Variants in TAFA5 observed in about 807,000 individuals in gnomAD.
TAFA5 encodes TAFA chemokine like family member 5, also known as chemokine-like protein TAFA-5.
TAFA5 carries 6 observed loss-of-function variants against 15.3 expected under a neutral mutation model. The observed-to-expected ratio is 0.39, with a 90% CI of 0.21 to 0.77. The LOEUF is 0.77. Among genes scored for constraint, TAFA5 ranks in the 30% least tolerant of loss-of-function variants. TAFA5 has a pLI of 0.41. For synonymous variants in TAFA5, 103 were observed against 80.7 expected (o/e 1.28, Z -1.48); for missense variants, 161 against 193.1 (o/e 0.83, Z 0.98).
chr22:48,640,594 C>A (rs112551011), intron 1 of TAFA5, among the ~76,000 whole-genome samples: 3 of 149,178 alleles, frequency 2.0e-5, no homozygotes, highest in Non-Finnish European at 4.5e-5. Context: ...GGCGTTTACC[C>A]CGGGGCCATT....
chr22:48,527,717 G>T (rs1921827775), intron 1 of TAFA5, among the ~76,000 whole-genome samples: 1 of 152,196 alleles, frequency 6.6e-6, no homozygotes, highest in Admixed American at 6.5e-5. Flanking sequence ...GGGGCTCTGT[G>T]GGCCTCTGCC....
intron 1 of TAFA5, among the ~76,000 whole-genome samples, chr22:48,546,302 C>T (rs1191451752): frequency 6.6e-6 from 1 of 152,192 alleles, no homozygotes; most frequent in Non-Finnish European, 1.5e-5. Context: ...CATTGTCAGT[C>T]CTCATGTTGT....
chr22:48,731,664 G>T (rs959341510), intron 3 of TAFA5, among the ~76,000 whole-genome samples: 52 of 152,164 alleles, frequency 3.4e-4, no homozygotes, highest in African/African-American at 1.1e-3. Flanking sequence ...TGTATGGCAT[G>T]GTTGACTGAA....
chr22:48,588,292 G>A (rs1380171733), intron 1 of TAFA5, among the ~76,000 whole-genome samples: 2 of 152,202 alleles, frequency 1.3e-5, no homozygotes, highest in Non-Finnish European at 2.9e-5. Flanking sequence ...TGCGCAGAGG[G>A]TGTGATCCTT....
chr22:48,631,740 A>C (rs946176245), intron 1 of TAFA5, among the ~76,000 whole-genome samples: 1 of 152,166 alleles, frequency 6.6e-6, no homozygotes, highest in African/African-American at 2.4e-5. Flanking sequence ...CTTAGGGGGA[A>C]ATCTGACGCC....
intron 1 of TAFA5, among the ~76,000 whole-genome samples, chr22:48,503,389 G>A (rs1920964727): frequency 6.6e-6 from 1 of 152,264 alleles, no homozygotes; most frequent in Non-Finnish European, 1.5e-5. Context: ...TTTACGCCAA[G>A]CACATTGTGG....
chr22:48,699,551 T>G (rs1601682096), intron 2 of TAFA5, among the ~76,000 whole-genome samples: 1 of 152,156 alleles, frequency 6.6e-6, no homozygotes, highest in Non-Finnish European at 1.5e-5. Flanking sequence ...TGAGCTCTGC[T>G]CTTACATACT....
intron 1 of TAFA5, among the ~76,000 whole-genome samples, chr22:48,565,217 C>A (rs1244285007): frequency 6.6e-6 from 1 of 152,202 alleles, no homozygotes; most frequent in Non-Finnish European, 1.5e-5. Flanking sequence ...ACTGTCACGG[C>A]CAAGTGCTGG....
chr22:48,531,843 CCCCAACTCCCCCGGAAG>C (rs1163155294), intron 1 of TAFA5, among the ~76,000 whole-genome samples: 1 of 152,202 alleles, frequency 6.6e-6, no homozygotes, highest in African/African-American at 2.4e-5. Context: ...GCCTCCCACC[CCCCAACTCCCCCGGAAG>C]GACGGACGGG....
Position 48,566,968 on chromosome 22 carries a change from C to T in TAFA5, c.112+77264C>T, listed in dbSNP as rs549674053. Among the ~76,000 whole-genome samples the T allele has an allele frequency of 6.8e-4, 103 of 152,354 alleles. No homozygotes were observed. Among genetic ancestry groups the T allele is most frequent in the African/African-American group, 2.4e-3 (101 of 41,580 alleles). On this transcript the variant is annotated intron_variant, in intron 1 of 3. Transcript: ENST00000402357. The surrounding 1 kb of genome is among the most constrained non-coding windows in gnomAD (Gnocchi z 4.5). ...GCAGCACTGCTGCCTGCGGACTGGC[C>T]GCACTGGATTCCCCTTTCCCTGCGG...
intron 2 of TAFA5, among the ~76,000 whole-genome samples, chr22:48,650,718 G>C (rs973578879): frequency 1.3e-5 from 2 of 152,040 alleles, no homozygotes; most frequent in Non-Finnish European, 2.9e-5. Context: ...TCCAACTTAC[G>C]GAACCATCAG....
chr22:48,655,928 C>A (rs1425506999), intron 2 of TAFA5, among the ~76,000 whole-genome samples: 2 of 150,324 alleles, frequency 1.3e-5, no homozygotes, highest in Non-Finnish European at 3.0e-5. Flanking sequence ...CAACCTCCGC[C>A]TCCCAGGTTC....
intron 3 of TAFA5, among the ~76,000 whole-genome samples, chr22:48,720,626 C>G (rs1468362688): frequency 2.0e-5 from 3 of 152,140 alleles, no homozygotes; most frequent in African/African-American, 7.2e-5. Context: ...TGCGGGGAGC[C>G]TGGTCTCCAA....
At chr22:48,590,442 C>T (rs1238400415) in intron 1 of TAFA5, among the ~76,000 whole-genome samples, 1 of 152,226 alleles carries the variant, frequency 6.6e-6, no homozygotes, top group Non-Finnish European at 1.5e-5. Flanking sequence ...CATTCACGGG[C>T]TGATGGGAGG....
chr22:48,748,830 A>T (rs542287493), intron 3 of TAFA5, among the ~76,000 whole-genome samples: 2 of 152,268 alleles, frequency 1.3e-5, no homozygotes, highest in East Asian at 3.9e-4. Context: ...ATTTAACACA[A>T]GGCAGATGAG....
At chr22:48,503,512 G>T (rs988868521) in intron 1 of TAFA5, among the ~76,000 whole-genome samples, 1 of 152,234 alleles carries the variant, frequency 6.6e-6, no homozygotes, top group Non-Finnish European at 1.5e-5. Context: ...ATCACCAAAA[G>T]TGCCAGGGAC....
chr22:48,636,478 T>C (rs1255658429), intron 1 of TAFA5, among the ~76,000 whole-genome samples: 1 of 151,346 alleles, frequency 6.6e-6, no homozygotes, highest in Non-Finnish European at 1.5e-5. Flanking sequence ...ACTAAGTGTC[T>C]GTACAATCAG....
intron 3 of TAFA5, among the ~76,000 whole-genome samples, chr22:48,743,884 A>C (rs997690300): frequency 6.6e-6 from 1 of 152,168 alleles, no homozygotes; most frequent in Non-Finnish European, 1.5e-5. Context: ...CGATGCCCCC[A>C]CCTGCCCTAC....
At chr22:48,657,752 A>T (rs1224143475) in intron 2 of TAFA5, among the ~76,000 whole-genome samples, 1 of 152,138 alleles carries the variant, frequency 6.6e-6, no homozygotes, top group Admixed American at 6.5e-5. Flanking sequence ...CGCTCTGTGA[A>T]TGTCAGTGGG....
Sources: allele counts gnomAD v4.1 joint callset (sites outside exome capture counted in the v4.1 genomes callset), GRCh38; gene constraint gnomAD v4.1.1; non-coding constraint Gnocchi (gnomAD v3.1); transcripts MANE v1.5; gene names NCBI Gene and HGNC (gene_info 2026-07-23, HGNC 2026-07-21).